Variants in NSUN3 observed in about 807,000 individuals in gnomAD.
The protein encoded by NSUN3 is tRNA (cytosine(34)-C(5))-methyltransferase, mitochondrial.
A neutral mutation model predicts 36.8 loss-of-function variants in NSUN3; 24 were observed. The ratio of observed to expected loss-of-function variants is 0.65; its 90% confidence interval spans 0.47 to 0.92. The LOEUF is 0.92. Among genes scored for constraint, NSUN3 ranks in the 40% least tolerant of loss-of-function variants. NSUN3 has a pLI of 0.00. For synonymous variants in NSUN3, 146 were observed against 145.2 expected (o/e 1.01, Z -0.04); for missense variants, 381 against 392.8 (o/e 0.97, Z 0.25).
At position 94,128,078 on chromosome 3, in the gene NSUN3, G is replaced by C. The variant is rs952945962; in HGVS notation, c.*1588G>C. On this transcript the variant is annotated 3_prime_UTR_variant, in exon 6 of 6. Coordinates refer to ENST00000314622, the MANE Select transcript of NSUN3 (RefSeq NM_022072.5). ...CTCTACTAAAAATGCAAAAAAATTA[G>C]ACAGGCATGGTGGCTGGCACCAGCA... The C allele has an allele frequency of 2.0e-5, 3 of 152,044 alleles. No individual in the cohort carries two copies. The highest frequency in any genetic ancestry group is 7.3e-5 in the African/African-American group (3 of 41,360). 9.4% of individuals were successfully genotyped at this position (152,044 alleles called of 1,614,324 possible).
At position 94,126,480 on chromosome 3, in the gene NSUN3, GA is replaced by G. The variant is rs1388261084; in HGVS notation, c.1017del (p.Lys339AsnfsTer7). ...AAATTGAAGAAATCATGGAGCACAG[GA>G]AAATGGTGACATGAATTTGTAAACT... ...VAKLKKSWST[G>X]KW is the part of the protein sequence containing the mutation. On this transcript the variant is annotated frameshift_variant, in exon 6 of 6. Transcript: ENST00000314622. LOFTEE classifies it high-confidence loss of function. 2 of 1,604,730 alleles carry G rather than the reference GA, an allele frequency of 1.2e-6. No individual in the cohort carries two copies. Among genetic ancestry groups the G allele is most frequent in the Admixed American group, 3.4e-5 (2 of 59,618 alleles).
At chr3:94,080,294 G>A (rs1305287910) in intron 2 of NSUN3, among the ~76,000 whole-genome samples, 1 of 152,186 alleles carries the variant, frequency 6.6e-6, no homozygotes, top group East Asian at 1.9e-4. Flanking sequence ...TTGTCCCAGA[G>A]GGGCACTTGC....
rs371043641 is a variant in NSUN3, at chr3:94,084,340, C to T, written c.356C>T (p.Ala119Val). 4.7e-5 allele frequency: 76 copies of T among 1,613,968 alleles called. No homozygotes were observed. Among genetic ancestry groups the T allele is most frequent in the Non-Finnish European group, 6.0e-5 (71 of 1,179,974 alleles). The stretch of plus-strand genomic sequence containing the variant: ...AAAAAATATTATCTCCTAAATGCTG[C>T]TTCTCTTCTCCCAGTGTTGGCTCTG... ...NLKKYYLLNA[A>V]SLLPVLALEL... The change falls in exon 3 of 6, where the codon GCT (alanine) becomes GTT (valine). Residue 119 changes from alanine (A) to valine (V), a missense_variant. Ala to Val is a moderately conservative substitution (Grantham distance 64). Transcript: ENST00000314622.
Position 94,084,366 on chromosome 3 carries a change from G to A in NSUN3, c.382G>A (p.Glu128Lys). 6.2e-7 allele frequency: 1 copy of A among 1,614,166 alleles called. No homozygotes were observed. The highest frequency in any genetic ancestry group is 2.2e-5 in the East Asian group (1 of 44,884). Residue 128 changes from glutamate to lysine, a missense_variant, in exon 3 of 6, where the codon GAA becomes AAA. By Grantham distance (56) the Glu-to-Lys change is moderately conservative (BLOSUM62 1). Coordinates refer to ENST00000314622, the MANE Select transcript of NSUN3 (RefSeq NM_022072.5). ...TTCTCTTCTCCCAGTGTTGGCTCTG[G>A]AATTAAGGGATGGGGAGAAGGTTCT... ...AASLLPVLAL[E>K]LRDGEKVLDL...
At chr3:94,104,263 TG>T (rs1382961067) in intron 5 of NSUN3, among the ~76,000 whole-genome samples, 2 of 152,232 alleles carry the variant, frequency 1.3e-5, no homozygotes, top group Non-Finnish European at 2.9e-5. Context: ...TAGCAAGACC[TG>T]GGGAGCTACA....
intron 5 of NSUN3, among the ~76,000 whole-genome samples, chr3:94,105,725 A>G (rs2077386110): frequency 6.6e-6 from 1 of 151,954 alleles, no homozygotes; most frequent in Admixed American, 6.6e-5. Flanking sequence ...ACTTGAAGAA[A>G]GTTTCTTCTT....
At chr3:94,086,658 A>G (rs931408508) in intron 3 of NSUN3, among the ~76,000 whole-genome samples, 3 of 152,238 alleles carry the variant, frequency 2.0e-5, no homozygotes, top group Non-Finnish European at 4.4e-5. Flanking sequence ...TTAGGAGGAA[A>G]TATGCCCAAT....
chr3:94,063,308 T>G (rs2077189345), intron 1 of NSUN3, 170 bp downstream of exon 1: 2 of 710,042 alleles, frequency 2.8e-6, no homozygotes, highest in African/African-American at 1.7e-5. Flanking sequence ...TGCTGAGTGC[T>G]GTAATGCTGA....
intron 1 of NSUN3, 177 bp downstream of exon 1, chr3:94,063,315 C>G (rs2077189425): frequency 1.5e-6 from 1 of 677,116 alleles, no homozygotes; most frequent in Admixed American, 2.3e-5. Flanking sequence ...TGCTGTAATG[C>G]TGAGTCCCTT....
In NSUN3 at chr3:94,126,583, C is replaced by A; in HGVS notation, c.*93C>A. On this transcript the variant is annotated 3_prime_UTR_variant, in exon 6 of 6. Transcript: ENST00000314622. ...TTAAATAATTATGCAGTAACTTTCT[C>A]TGGGTCTGTTTGGAATCCTATTTAG... The A allele has an allele frequency of 8.5e-7, 1 of 1,171,904 alleles. No individual in the cohort carries two copies. Among genetic ancestry groups the A allele is most frequent in the South Asian group, 1.6e-5 (1 of 61,812 alleles). 72.6% of individuals were successfully genotyped at this position (1,171,904 alleles called of 1,614,324 possible).
intron 5 of NSUN3, among the ~76,000 whole-genome samples, chr3:94,122,770 C>T (rs2077469270): frequency 6.6e-6 from 1 of 152,076 alleles, no homozygotes; most frequent in Non-Finnish European, 1.5e-5. Context: ...TTCCATTTCT[C>T]TCTCCCTTCT....
At chr3:94,073,394 G>A (rs902033908) in intron 2 of NSUN3, among the ~76,000 whole-genome samples, 2 of 152,144 alleles carry the variant, frequency 1.3e-5, no homozygotes, top group African/African-American at 4.8e-5. Context: ...TTCCACAATG[G>A]TTGAACTAAT....
chr3:94,131,323 C>T lies in NSUN3; in HGVS notation c.*4833C>T, dbSNP rs913836831. ...ATTTCATAGTTAAAGGGTAGAGCCG[C>T]GATCAAAACTGGCTCCGAGGTCCAG... is the stretch of plus-strand genomic sequence containing the variant. On this transcript the variant is annotated 3_prime_UTR_variant, in exon 6 of 6. Coordinates refer to ENST00000314622, the MANE Select transcript of NSUN3 (RefSeq NM_022072.5). 4.6e-5 allele frequency among the ~76,000 whole-genome samples: 7 copies of T among 152,236 alleles called. No individual in the cohort carries two copies. The South Asian group carries it at 6.2e-4, about 14-fold the overall frequency.
At chr3:94,124,405 G>A (rs1466478768) in intron 5 of NSUN3, among the ~76,000 whole-genome samples, 1 of 152,054 alleles carries the variant, frequency 6.6e-6, no homozygotes, top group East Asian at 1.9e-4. Flanking sequence ...AGGATTACAG[G>A]CGTGAGCCAC....
chr3:94,091,968 A>C (rs1041164607), intron 3 of NSUN3, among the ~76,000 whole-genome samples: 3 of 152,218 alleles, frequency 2.0e-5, no homozygotes, highest in Non-Finnish European at 2.9e-5. Context: ...CCATTCATGC[A>C]GTTATCTTCT....
At chr3:94,073,722 G>A (rs902621151) in intron 2 of NSUN3, among the ~76,000 whole-genome samples, 2 of 152,130 alleles carry the variant, frequency 1.3e-5, no homozygotes, top group African/African-American at 4.8e-5. Flanking sequence ...TGGATAGATT[G>A]CAAAAATTTT....
chr3:94,123,787 T>G (rs1470693696), intron 5 of NSUN3, among the ~76,000 whole-genome samples: 1 of 152,108 alleles, frequency 6.6e-6, no homozygotes, highest in Non-Finnish European at 1.5e-5. Context: ...TCTGCTTGGC[T>G]CACTCCCTTA....
chr3:94,114,482 A>T (rs1406275057), intron 5 of NSUN3, among the ~76,000 whole-genome samples: 1 of 152,236 alleles, frequency 6.6e-6, no homozygotes, highest in Non-Finnish European at 1.5e-5. Flanking sequence ...AGGTAGTATT[A>T]ATTAAGCTGA....
chr3:94,089,674 G>A (rs890961392), intron 3 of NSUN3, among the ~76,000 whole-genome samples: 7 of 152,192 alleles, frequency 4.6e-5, no homozygotes, highest in African/African-American at 1.7e-4. Flanking sequence ...GAAGAGGGGT[G>A]CAAGACACCG....
Sources: allele counts gnomAD v4.1 joint callset (sites outside exome capture counted in the v4.1 genomes callset), GRCh38; gene constraint gnomAD v4.1.1; transcripts MANE v1.5; gene names NCBI Gene and HGNC (gene_info 2026-07-23, HGNC 2026-07-21).